ME3: variants seen among roughly 807,000 people sequenced by gnomAD.
The protein encoded by ME3 is malic enzyme 3, also known as NADP-dependent malic enzyme, mitochondrial.
A neutral mutation model predicts 68.9 loss-of-function variants in ME3; 48 were observed. The observed-to-expected ratio is 0.70, with a 90% CI of 0.55 to 0.89. The LOEUF is 0.89. Ranked by LOEUF, ME3 falls within the 40% of genes least tolerant of loss-of-function variation. The pLI is 0.00. For missense variants in ME3, 675 were observed against 797.4 expected (o/e 0.85, Z 1.85); for synonymous variants, 320 against 318.8 (o/e 1.00, Z -0.04).
chr11:86,471,141 C>CTTTTTTTTTTTTTTTTT (rs1163128094), intron 7 of ME3, among the ~76,000 whole-genome samples: 2 of 75,044 alleles, frequency 2.7e-5, no homozygotes, highest in African/African-American at 1.3e-4. Context: ...AGGCCCAGAG[C>CTTTTTTTTTTTTTTTTT]TTTTTTTTTT....
At chr11:86,465,610 T>G (rs1453517799) in intron 7 of ME3, among the ~76,000 whole-genome samples, 3 of 152,066 alleles carry the variant, frequency 2.0e-5, no homozygotes, top group Non-Finnish European at 4.4e-5. Context: ...ACAGACCAGC[T>G]TCCCCACCAC....
At chr11:86,643,101 G>A (rs147895400) in intron 2 of ME3, among the ~76,000 whole-genome samples, 1 of 152,206 alleles carries the variant, frequency 6.6e-6, no homozygotes, top group East Asian at 1.9e-4. Context: ...GGCCTCTCAT[G>A]TCTGTGTTTG....
intron 2 of ME3, among the ~76,000 whole-genome samples, chr11:86,640,937 T>C (rs1944628790): frequency 6.6e-6 from 1 of 151,424 alleles, no homozygotes; most frequent in Admixed American, 6.6e-5. Context: ...GAGGGAAAGA[T>C]GGGGAAGAAG....
intron 2 of ME3, chr11:86,622,784 G>C (rs1490039078): frequency 6.6e-6 from 1 of 151,806 alleles, no homozygotes; most frequent in African/African-American, 2.4e-5. Context: ...CCTTTTATTT[G>C]GTGAGTTCAT....
At chr11:86,500,425 C>T (rs1175574490) in intron 5 of ME3, among the ~76,000 whole-genome samples, 1 of 152,210 alleles carries the variant, frequency 6.6e-6, no homozygotes, top group Non-Finnish European at 1.5e-5. Context: ...TACTGTCCAC[C>T]CGCAATCCTA....
intron 4 of ME3, among the ~76,000 whole-genome samples, chr11:86,551,061 C>G (rs1269544395): frequency 6.6e-6 from 1 of 151,658 alleles, no homozygotes; most frequent in African/African-American, 2.4e-5. Flanking sequence ...ATGAAGCATA[C>G]CAGACATATT....
chr11:86,658,453 A>G lies in ME3; in HGVS notation c.183+13309T>C, dbSNP rs191040177. On this transcript the variant is annotated intron_variant, in intron 2 of 14. Coordinates refer to ENST00000543262, the Ensembl canonical transcript of ME3. ...TTTTTCCTCTGCTTGCAAATAATAT[A>G]TGTAACACACCTGTAAGAGTAACTG... Among the ~76,000 whole-genome samples the G allele has an allele frequency of 2.6e-5, 4 of 152,022 alleles. No individual in the cohort carries two copies. In the East Asian group the frequency reaches 7.8e-4, roughly 29 times the overall value.
At chr11:86,529,235 G>A (rs924544923) in intron 4 of ME3, among the ~76,000 whole-genome samples, 2 of 152,116 alleles carry the variant, frequency 1.3e-5, no homozygotes, top group African/African-American at 4.8e-5. Context: ...ACACCTCTAC[G>A]CAAATAAACT....
At chr11:86,463,120 TG>T (rs764661249) in intron 8 of ME3, among the ~76,000 whole-genome samples, 1 of 152,116 alleles carries the variant, frequency 6.6e-6, no homozygotes, top group Non-Finnish European at 1.5e-5. Context: ...CGCAGCAGTT[TG>T]GGGGCGGATG....
intron 8 of ME3, among the ~76,000 whole-genome samples, chr11:86,459,758 C>T (rs567800257): frequency 6.6e-6 from 1 of 152,320 alleles, no homozygotes; most frequent in African/African-American, 2.4e-5. Flanking sequence ...GGTGAAATGT[C>T]TGATTGTTAA....
intron 2 of ME3, among the ~76,000 whole-genome samples, chr11:86,671,516 C>G (rs543155897): frequency 4.6e-5 from 7 of 152,382 alleles, no homozygotes; most frequent in African/African-American, 1.7e-4. Context: ...GGATCTAAAC[C>G]TGGTCTGTGT....
At chr11:86,553,712 G>C (rs1050303705) in intron 4 of ME3, among the ~76,000 whole-genome samples, 1 of 152,200 alleles carries the variant, frequency 6.6e-6, no homozygotes, top group African/African-American at 2.4e-5. Context: ...CCTGCCTCAA[G>C]CTCACTCAGC....
At chr11:86,531,225 G>A (rs955848612) in intron 4 of ME3, among the ~76,000 whole-genome samples, 9 of 152,250 alleles carry the variant, frequency 5.9e-5, no homozygotes, top group African/African-American at 2.2e-4. Context: ...AGACATTTAT[G>A]CAGCCAAAAG....
At chr11:86,608,728 C>T (rs891362768) in intron 2 of ME3, among the ~76,000 whole-genome samples, 2 of 152,102 alleles carry the variant, frequency 1.3e-5, no homozygotes, top group African/African-American at 4.8e-5. Flanking sequence ...TTACTATTCT[C>T]TAAATACAGT....
intron 2 of ME3, among the ~76,000 whole-genome samples, chr11:86,574,894 A>C (rs1421808195): frequency 6.6e-6 from 1 of 152,242 alleles, no homozygotes; most frequent in Non-Finnish European, 1.5e-5. Flanking sequence ...AGGAGGTACC[A>C]CTTTAAAAAG....
chr11:86,486,558 G>C (rs1951698635), intron 7 of ME3, among the ~76,000 whole-genome samples: 1 of 152,258 alleles, frequency 6.6e-6, no homozygotes, highest in South Asian at 2.1e-4. Flanking sequence ...GGATGGGCAG[G>C]CCATCTCTGC....
chr11:86,573,844 ATGT>A (rs2139565959), intron 2 of ME3, among the ~76,000 whole-genome samples: 1 of 152,250 alleles, frequency 6.6e-6, no homozygotes, highest in African/African-American at 2.4e-5. Context: ...ACATAAAAGG[ATGT>A]TGAATTTTAT....
rs114867953 is a variant in ME3 at position 86,661,259 on chromosome 11, T to A, written c.183+10503A>T. Among the ~76,000 whole-genome samples, 1,335 of 152,310 alleles carry A rather than the reference T, an allele frequency of 8.8e-3. 27 individuals are homozygous for A. The highest frequency in any genetic ancestry group is 0.03 in the African/African-American group (1,249 of 41,562). ...AAAGAAATGTAGAGGATGAATGAAT[T>A]ACTGCCATGTGGCGTTATCGAGGAG... On this transcript the variant is annotated intron_variant, in intron 2 of 14. Transcript: ENST00000543262.
At position 86,487,053 on chromosome 11, in the gene ME3, G is replaced by C. The variant is rs145070497; in HGVS notation, c.809+284C>G. ...AACCCTAAACAGCTCAGGCCAAGGGGGTTTTTCTCCTGGGACAATGATACT... is the reference window on the plus strand; with the variant it reads ...AACCCTAAACAGCTCAGGCCAAGGGCGTTTTTCTCCTGGGACAATGATACT... On this transcript the variant is annotated intron_variant, in intron 7 of 14. Transcript: ENST00000543262. Among the ~76,000 whole-genome samples, 322 of 152,260 alleles carry C rather than the reference G, an allele frequency of 2.1e-3. 1 individual carries two copies. The highest frequency in any genetic ancestry group is 3.7e-3 in the South Asian group (18 of 4,810).
Sources: gnomAD v4.1 joint callset for allele counts (sites outside exome capture counted in the v4.1 genomes callset) on GRCh38, gnomAD v4.1.1 for gene constraint, MANE v1.5 for transcripts, NCBI Gene and HGNC (gene_info 2026-07-23, HGNC 2026-07-21) for gene names.